SLIT1: variants seen among roughly 807,000 people sequenced by gnomAD.
SLIT1 encodes slit guidance ligand 1, also known as slit homolog 1 protein.
A neutral mutation model predicts 186.1 loss-of-function variants in SLIT1; 66 were observed. That is an observed-to-expected ratio of 0.35 (90% CI 0.29 to 0.44). SLIT1 has a LOEUF of 0.44. Ranked by LOEUF, SLIT1 falls within the 20% of genes least tolerant of loss-of-function variation. SLIT1 has a pLI of 1.00. For synonymous variants in SLIT1, 761 were observed against 833.8 expected, an observed-to-expected ratio of 0.91 and a Z score of 1.50; for missense variants, 1,638 against 2,037.4, an observed-to-expected ratio of 0.80 and a Z score of 3.77.
intron 4 of SLIT1, among the ~76,000 whole-genome samples, chr10:97,146,096 G>A (rs1849814322): frequency 6.6e-6 from 1 of 152,186 alleles, no homozygotes; most frequent in Admixed American, 6.5e-5. Context: ...TAGCATCAGA[G>A]AGCCAGTGTT....
Position 97,060,106 on chromosome 10 carries a change from A to G in SLIT1, c.994T>C (p.Tyr332His). The G allele has an allele frequency of 6.2e-7, 1 of 1,613,794 alleles. No homozygotes were observed. The highest frequency in any genetic ancestry group is 8.5e-7 in the Non-Finnish European group (1 of 1,179,670). The change falls in exon 10 of 37, where the codon TAC (tyrosine) becomes CAC (histidine). Residue 332 changes from tyrosine to histidine, a missense_variant. Around this residue, in one of 3 missense-constraint regions of SLIT1, gnomAD observed 1,245 missense variants for 1,535.3 expected, o/e 0.81. Transcript: ENST00000266058. The part of the protein sequence containing the change: ...KSIPPGAFSP[Y>H]RKLRRIDLSN... ...ACTCACATCCTCCGTAGCTTTCTGT[A>G]GGGTGAGAAGGCTCCAGGAGGGATG... is the stretch of plus-strand genomic sequence containing the variant.
intron 1 of SLIT1, among the ~76,000 whole-genome samples, chr10:97,173,258 C>T (rs904182351): frequency 3.3e-5 from 5 of 152,226 alleles, no homozygotes; most frequent in African/African-American, 7.2e-5. Flanking sequence ...GCCGGTGGAA[C>T]GGGGCAGGTC....
intron 4 of SLIT1, among the ~76,000 whole-genome samples, chr10:97,114,831 C>A (rs1165125207): frequency 6.6e-6 from 1 of 152,192 alleles, no homozygotes; most frequent in Non-Finnish European, 1.5e-5. Context: ...TGGGCAAATT[C>A]TTGGCTACTC....
At chr10:97,118,800 A>G (rs1196236943) in intron 4 of SLIT1, among the ~76,000 whole-genome samples, 2 of 152,260 alleles carry the variant, frequency 1.3e-5, no homozygotes, top group South Asian at 2.1e-4. Flanking sequence ...GGATAAAAGA[A>G]TCCTCTCTTA....
rs940581686 is a variant in SLIT1 at position 97,059,671 on chromosome 10, C to T, written c.1014-140G>A. The T allele has an allele frequency of 8.6e-6, 6 of 701,110 alleles. No homozygotes were observed. The Admixed American group carries it at 1.0e-4, about 12-fold the overall frequency. 43.4% of individuals were successfully genotyped at this position (701,110 alleles called of 1,614,324 possible). On this transcript the variant is annotated intron_variant, in intron 10 of 36. Coordinates refer to ENST00000266058, the MANE Select transcript of SLIT1 (RefSeq NM_003061.3). The stretch of plus-strand genomic sequence containing the variant: ...GAGAATAGTGAGAGGCCAGATCTCT[C>T]CTCCATTTGAAAAGCCCATGGCCGC...
chr10:97,020,035 C>T lies in SLIT1; in HGVS notation c.2747-928G>A, dbSNP rs371816028. 2.2e-4 allele frequency among the ~76,000 whole-genome samples: 34 copies of T among 151,844 alleles called. 1 individual carries two copies. Among genetic ancestry groups the T allele is most frequent in the African/African-American group, 6.5e-4 (27 of 41,378 alleles). ...TGTCACCCAGGCTGCAATGCACTGG[C>T]GCACACATGGCTCACTGCAGCTTCA... On this transcript the variant is annotated intron_variant, in intron 26 of 36. Coordinates refer to ENST00000266058, the MANE Select transcript of SLIT1 (RefSeq NM_003061.3).
Position 97,048,920 on chromosome 10 carries a change from TGGACAGGTGGGCAGGTGGGCAGGCGG to T in SLIT1, c.1465+9_1465+34del. ...GTGGGCAGGTGGGCAGGCAGGTAGG[TGGACAGGTGGGCAGGTGGGCAGGCGG>T]GCAGGTACCTGAGCACCGGAACTTC... On this transcript the variant is annotated intron_variant, in intron 14 of 36. Coordinates refer to ENST00000266058, the MANE Select transcript of SLIT1 (RefSeq NM_003061.3). 1 of 1,593,412 alleles carries T rather than the reference TGGACAGGTGGGCAGGTGGGCAGGCGG, an allele frequency of 6.3e-7. No individual in the cohort carries two copies. The highest frequency in any genetic ancestry group is 8.5e-7 in the Non-Finnish European group (1 of 1,174,842).
chr10:97,060,142 C>CCAG lies in SLIT1; in HGVS notation c.957_958insCTG (p.Asn319_Gly320insLeu). On this transcript the variant is annotated inframe_insertion, in exon 10 of 37. Coordinates refer to ENST00000266058, the MANE Select transcript of SLIT1 (RefSeq NM_003061.3). ...GCTCCAGGAGGGATGGACTTGATGC[C>CCAG]GTTCAGCTCCAGGCGTCTGCGGGGA... 6.2e-7 allele frequency: 1 copy of CCAG among 1,614,080 alleles called. No individual in the cohort carries two copies. Among genetic ancestry groups the CCAG allele is most frequent in the Non-Finnish European group, 8.5e-7 (1 of 1,179,964 alleles).
chr10:97,150,216 C>A (rs1235771758), intron 4 of SLIT1, among the ~76,000 whole-genome samples: 4 of 152,184 alleles, frequency 2.6e-5, no homozygotes, highest in African/African-American at 7.2e-5. Context: ...CTCAGTTCTG[C>A]AGTTCTGCTG....
chr10:97,130,369 T>C (rs866688968), intron 4 of SLIT1, among the ~76,000 whole-genome samples: 1 of 152,238 alleles, frequency 6.6e-6, no homozygotes, highest in Non-Finnish European at 1.5e-5. Flanking sequence ...TCAGTGTTCA[T>C]CCACGGATAA....
intron 27 of SLIT1, 94 bp downstream of exon 27, chr10:97,018,889 T>C: frequency 1.4e-6 from 1 of 727,222 alleles, no homozygotes; most frequent in Admixed American, 2.4e-5. Context: ...CACTCAAGCA[T>C]CTGCTCTGAG....
chr10:97,002,280 G>A lies in SLIT1; in HGVS notation c.4244C>T (p.Ala1415Val), dbSNP rs752983766. The A allele has an allele frequency of 1.9e-6, 3 of 1,609,712 alleles. No homozygotes were observed. In the East Asian group the frequency reaches 6.7e-5, roughly 36 times the overall value. Reference protein sequence around the residue: ...DGYSGALCNQAGALAEPCRGL... With the variant: ...DGYSGALCNQVGALAEPCRGL... Reference sequence around the variant, plus strand: ...TCTGCAGGGCTCTGCCAGGGCCCCGGCCTGGTTGCACAGTGCCCCCGAGTA... The same window carrying A: ...TCTGCAGGGCTCTGCCAGGGCCCCGACCTGGTTGCACAGTGCCCCCGAGTA... The change falls in exon 36 of 37, where the codon GCC (alanine) becomes GTC (valine). Residue 1415 changes from alanine (A) to valine (V), a missense_variant. This residue lies in a region of SLIT1 where 220 missense variants were observed against 211.3 expected (regional missense o/e 1.04). Coordinates refer to ENST00000266058, the MANE Select transcript of SLIT1 (RefSeq NM_003061.3).
rs112567180 is a variant in SLIT1 at position 97,166,149 on chromosome 10, G to A, written c.198-1259C>T. ...GGCCAATTTTAGTCAAAAGTTCTGC[G>A]TATGGCCAAGAGTTCAACCCAAGTC... On this transcript the variant is annotated intron_variant, in intron 1 of 36. Coordinates refer to ENST00000266058, the MANE Select transcript of SLIT1 (RefSeq NM_003061.3). Among the ~76,000 whole-genome samples, 542 of 152,094 alleles carry A rather than the reference G, an allele frequency of 3.6e-3. 2 individuals are homozygous for A. The highest frequency in any genetic ancestry group is 6.4e-3 in the Non-Finnish European group (433 of 68,006).
At chr10:97,023,358 A>G (rs969028230) in intron 25 of SLIT1, among the ~76,000 whole-genome samples, 2 of 151,676 alleles carry the variant, frequency 1.3e-5, no homozygotes, top group African/African-American at 4.8e-5. Flanking sequence ...GAGCCACTGC[A>G]CCTGGCTCCT....
In SLIT1 at chr10:97,184,296, C is replaced by T. The variant is rs190696254; in HGVS notation, c.197+1182G>A. 3.0e-4 allele frequency among the ~76,000 whole-genome samples: 46 copies of T among 152,258 alleles called. No homozygotes were observed. The highest frequency in any genetic ancestry group is 5.9e-4 in the Non-Finnish European group (40 of 68,028). ...TGCACACCTTTCCTGAGAGCCACTG[C>T]AGTCACCGAGGAGTGTGGGAAGGAG... On this transcript the variant is annotated intron_variant, in intron 1 of 36. Transcript: ENST00000266058. The surrounding 1 kb of genome is among the most constrained non-coding windows in gnomAD (Gnocchi z 4.4).
At chr10:97,054,290 C>T (rs186365337) in intron 13 of SLIT1, among the ~76,000 whole-genome samples, 23 of 151,818 alleles carry the variant, frequency 1.5e-4, no homozygotes, top group Non-Finnish European at 3.1e-4. Context: ...CCTCTTGTCA[C>T]GTGACGTGCC....
chr10:97,016,397 A>T (rs1025467821), intron 28 of SLIT1, among the ~76,000 whole-genome samples: 1 of 152,056 alleles, frequency 6.6e-6, no homozygotes, highest in Non-Finnish European at 1.5e-5. Context: ...TTTAAAGCTT[A>T]ATTTATTTTT....
intron 1 of SLIT1, among the ~76,000 whole-genome samples, chr10:97,168,305 T>C (rs1850145713): frequency 6.6e-6 from 1 of 152,182 alleles, no homozygotes; most frequent in Non-Finnish European, 1.5e-5. Context: ...TTTTTCAATT[T>C]CCCAAAAAAT....
At chr10:97,148,680 C>T (rs182136760) in intron 4 of SLIT1, among the ~76,000 whole-genome samples, 27 of 152,226 alleles carry the variant, frequency 1.8e-4, no homozygotes, top group East Asian at 1.9e-4. Context: ...CTTTGCTTTT[C>T]GCTATTTTTC....
Sources: allele counts gnomAD v4.1 joint callset (sites outside exome capture counted in the v4.1 genomes callset), GRCh38; gene constraint gnomAD v4.1.1; regional missense constraint gnomAD v4.1.1; non-coding constraint Gnocchi (gnomAD v3.1); transcripts MANE v1.5; gene names NCBI Gene and HGNC (gene_info 2026-07-23, HGNC 2026-07-21).